AKAP6: variants seen among roughly 807,000 people sequenced by gnomAD.
AKAP6 encodes A-kinase anchoring protein 6, also known as A-kinase anchor protein 6.
AKAP6 carries 58 observed loss-of-function variants against 188.5 expected under a neutral mutation model. The observed-to-expected ratio is 0.31, with a 90% CI of 0.25 to 0.38. AKAP6 has a LOEUF of 0.38. Among genes scored for constraint, AKAP6 ranks in the 10% least tolerant of loss-of-function variants. The probability of loss-of-function intolerance (pLI) is 1.00; values close to 1 mark genes in which losing one functional copy is unlikely to be tolerated. For synonymous variants in AKAP6, 989 were observed against 998.6 expected, an observed-to-expected ratio of 0.99 and a Z score of 0.18; for missense variants, 2,710 against 2,740.0, an observed-to-expected ratio of 0.99 and a Z score of 0.24.
intron 12 of AKAP6, among the ~76,000 whole-genome samples, chr14:32,785,134 C>T (rs1012871630): frequency 6.6e-6 from 1 of 152,006 alleles, no homozygotes; most frequent in Non-Finnish European, 1.5e-5. Context: ...CCAGTGCTTC[C>T]CTCCATTCTT....
intron 4 of AKAP6, among the ~76,000 whole-genome samples, chr14:32,569,820 A>T (rs373445260): frequency 1.3e-5 from 2 of 152,134 alleles, no homozygotes; most frequent in South Asian, 2.1e-4. Flanking sequence ...GAGGATCATG[A>T]TGTCCTTTAG....
rs554202585 is a variant in AKAP6 at position 32,576,256 on chromosome 14, C to A, written c.2347-864C>A. On this transcript the variant is annotated intron_variant, in intron 4 of 13. Coordinates refer to ENST00000280979, the MANE Select transcript of AKAP6 (RefSeq NM_004274.5). Reference sequence around the variant, plus strand: ...ACCCATTCCTAGTTATGTGTGGAAGCCTGCCCTTGCTCCTTATGACCTCCA... The same window carrying A: ...ACCCATTCCTAGTTATGTGTGGAAGACTGCCCTTGCTCCTTATGACCTCCA... Among the ~76,000 whole-genome samples, 9 of 152,208 alleles carry A rather than the reference C, an allele frequency of 5.9e-5. No individual in the cohort carries two copies. The East Asian group carries it at 9.7e-4, about 16-fold the overall frequency.
rs558217146 is a variant in AKAP6 at position 32,611,596 on chromosome 14, T to G, written c.2730+10804T>G. Among the ~76,000 whole-genome samples the G allele has an allele frequency of 3.9e-4, 59 of 152,250 alleles. No homozygotes were observed. In the South Asian group the frequency reaches 0.012, roughly 31 times the overall value. On this transcript the variant is annotated intron_variant, in intron 7 of 13. Transcript: ENST00000280979. ...AATAAAGTAGATGTGCAATAGAACT[T>G]TAAGGAAAGCCTAGGGTAATTGAGA...
chr14:32,592,739 G>C (rs1378422325), intron 5 of AKAP6, among the ~76,000 whole-genome samples: 1 of 152,072 alleles, frequency 6.6e-6, no homozygotes, highest in African/African-American at 2.4e-5. Flanking sequence ...AGTATGCCAG[G>C]CTCCATTCTG....
chr14:32,510,414 GTATATATATACATA>G (rs1566546543), intron 2 of AKAP6, among the ~76,000 whole-genome samples: 1,861 of 112,330 alleles, frequency 0.017, 119 homozygotes, highest in African/African-American at 0.067. Flanking sequence ...GTATATATAT[GTATATATATACATA>G]TATATATGTG....
At position 32,824,021 on chromosome 14, in the gene AKAP6, G is replaced by C. The variant is rs2034607368; in HGVS notation, c.6208G>C (p.Ala2070Pro). The stretch of plus-strand genomic sequence containing the variant: ...GGAAATCATTGACATGGCTTCGACA[G>C]CCCTAAAAAGTAAATCTCAACCTGA... ...VKEIIDMAST[A>P]LKSKSQPENE... Residue 2070 changes from alanine to proline, a missense_variant, in exon 13 of 14, where the codon GCC becomes CCC. Ala to Pro is a conservative substitution (Grantham distance 27, BLOSUM62 -1). This residue lies in a region of AKAP6 where 2,473 missense variants were observed against 2,426.1 expected (regional missense o/e 1.02). Coordinates refer to ENST00000280979, the MANE Select transcript of AKAP6 (RefSeq NM_004274.5). 6.2e-7 allele frequency: 1 copy of C among 1,613,802 alleles called. No homozygotes were observed. The highest frequency in any genetic ancestry group is 8.5e-7 in the Non-Finnish European group (1 of 1,179,932).
intron 5 of AKAP6, among the ~76,000 whole-genome samples, chr14:32,593,189 G>T (rs1006148517): frequency 2.6e-5 from 4 of 152,144 alleles, no homozygotes; most frequent in Admixed American, 2.6e-4. Context: ...TTTGAGGAGG[G>T]TTGTGATTCG....
At chr14:32,405,236 A>G (rs1484250410) in intron 1 of AKAP6, among the ~76,000 whole-genome samples, 1 of 151,844 alleles carries the variant, frequency 6.6e-6, no homozygotes, top group African/African-American at 2.4e-5. Flanking sequence ...GATGCCTCCA[A>G]CTCTCACCCA....
intron 7 of AKAP6, among the ~76,000 whole-genome samples, chr14:32,675,797 A>G (rs1889400848): frequency 6.6e-6 from 1 of 152,178 alleles, no homozygotes; most frequent in African/African-American, 2.4e-5. Flanking sequence ...TAAGGTGACT[A>G]TTTTTCGAGT....
chr14:32,415,693 A>G lies in AKAP6; in HGVS notation c.-34-17767A>G, dbSNP rs192433918. Among the ~76,000 whole-genome samples the G allele has an allele frequency of 5.3e-5, 8 of 152,104 alleles. No homozygotes were observed. In the East Asian group the frequency reaches 1.2e-3, roughly 22 times the overall value. On this transcript the variant is annotated intron_variant, in intron 1 of 13. Coordinates refer to ENST00000280979, the MANE Select transcript of AKAP6 (RefSeq NM_004274.5). ...CCATTAAACAATAACTCCCCATTTC[A>G]TTCTTCCCTTAGCCCCTGGAAACCA...
At chr14:32,638,179 G>A (rs1286587936) in intron 7 of AKAP6, among the ~76,000 whole-genome samples, 1 of 152,012 alleles carries the variant, frequency 6.6e-6, no homozygotes, top group Non-Finnish European at 1.5e-5. Flanking sequence ...ATGTCAAGGG[G>A]GAATATGAGC....
intron 2 of AKAP6, among the ~76,000 whole-genome samples, chr14:32,496,684 T>G (rs1209359692): frequency 6.6e-6 from 1 of 152,170 alleles, no homozygotes; most frequent in Non-Finnish European, 1.5e-5. Flanking sequence ...TGTTAATGTA[T>G]TGCAGCCTCA....
In AKAP6 at chr14:32,815,071, G is replaced by A. The variant is rs189874177; in HGVS notation, c.3589-6331G>A. ...TCCCTGATCCCTTTTGAGAACAAAG[G>A]CAATTTTTACTGTTATAAAACTTAC... is the stretch of plus-strand genomic sequence containing the variant. On this transcript the variant is annotated intron_variant, in intron 12 of 13. Transcript: ENST00000280979. Among the ~76,000 whole-genome samples the A allele has an allele frequency of 2.8e-4, 43 of 152,264 alleles. No homozygotes were observed. In the East Asian group the frequency reaches 7.3e-3, roughly 26 times the overall value.
intron 11 of AKAP6, among the ~76,000 whole-genome samples, chr14:32,765,874 G>T (rs1335611759): frequency 6.6e-6 from 1 of 151,992 alleles, no homozygotes; most frequent in East Asian, 1.9e-4. Context: ...ATCATTTATG[G>T]GGTTGATAAT....
intron 7 of AKAP6, among the ~76,000 whole-genome samples, chr14:32,643,326 T>C (rs532870209): frequency 2.7e-4 from 41 of 152,058 alleles, no homozygotes; most frequent in African/African-American, 8.4e-4. Context: ...TTTTTTTTTT[T>C]AGACGGAGTC....
chr14:32,587,391 C>T (rs1885299317), intron 5 of AKAP6, among the ~76,000 whole-genome samples: 1 of 152,130 alleles, frequency 6.6e-6, no homozygotes, highest in Non-Finnish European at 1.5e-5. Flanking sequence ...GAGGGCCAGG[C>T]TAATAAGCAT....
At chr14:32,728,792 G>A (rs2031021135) in intron 9 of AKAP6, among the ~76,000 whole-genome samples, 1 of 152,106 alleles carries the variant, frequency 6.6e-6, no homozygotes, top group African/African-American at 2.4e-5. Flanking sequence ...TGCTTTTAGA[G>A]CATTATTTTG....
rs1475132223 is a variant in AKAP6 at position 32,510,451 on chromosome 14, C to CATATATATGTGTATATATATATATACAT, written c.325-25077_325-25050dup. Among the ~76,000 whole-genome samples, 80 of 35,786 alleles carry CATATATATGTGTATATATATATATACAT rather than the reference C, an allele frequency of 2.2e-3. 1 individual carries two copies. Among genetic ancestry groups the CATATATATGTGTATATATATATATACAT allele is most frequent in the East Asian group, 6.6e-3 (7 of 1,064 alleles). The allele number at this position is 35,786 out of a possible 152,430, so 23.5% of individuals were successfully genotyped here. Reference sequence around the variant, plus strand: ...ATATATATATGTGTATATATATATACATATATATGTGTATATATATATATA... The same window carrying CATATATATGTGTATATATATATATACAT: ...ATATATATATGTGTATATATATATACATATATATGTGTATATATATATATACATATATATATGTGTATATATATATATA... On this transcript the variant is annotated intron_variant, in intron 2 of 13. Transcript: ENST00000280979.
At chr14:32,629,174 TC>T (rs1390480460) in intron 7 of AKAP6, among the ~76,000 whole-genome samples, 2 of 152,084 alleles carry the variant, frequency 1.3e-5, no homozygotes, top group Non-Finnish European at 2.9e-5. Context: ...ACCCTTTGTT[TC>T]TTTGTAATCA....
Sources: allele counts gnomAD v4.1 joint callset (sites outside exome capture counted in the v4.1 genomes callset), GRCh38; gene constraint gnomAD v4.1.1; regional missense constraint gnomAD v4.1.1; transcripts MANE v1.5; gene names NCBI Gene and HGNC (gene_info 2026-07-23, HGNC 2026-07-21).